The following ATF7 variants were observed in gnomAD, a reference collection of about 807,000 sequenced individuals.
ATF7 encodes the protein activating transcription factor 7.
In ATF7, 10 loss-of-function variants were observed where a neutral mutation model predicts 50.4. The ratio of observed to expected loss-of-function variants is 0.20; its 90% CI spans 0.12 to 0.34. The LOEUF (loss-of-function observed/expected upper bound fraction) is 0.34. Among genes scored for constraint, ATF7 ranks in the 10% least tolerant of loss-of-function variants. The pLI is 1.00. For missense variants in ATF7, 465 were observed against 613.9 expected (o/e 0.76, Z 2.56); for synonymous variants, 201 against 226.4 (o/e 0.89, Z 1.01).
At chr12:53,622,304 AAAT>A (rs139640578) in intron 1 of ATF7, among the ~76,000 whole-genome samples, 135,875 of 148,230 alleles carry the variant, frequency 0.92, 63,349 homozygotes, top group Non-Finnish European at 1. Context: ...TCCATCTCAA[AAAT>A]AATAATAATA....
chr12:53,594,878 A>T (rs1439168789), intron 2 of ATF7, among the ~76,000 whole-genome samples: 2 of 145,360 alleles, frequency 1.4e-5, no homozygotes, highest in African/African-American at 5.3e-5. Context: ...ACAGAGCGAG[A>T]CCCCATCTCA....
At chr12:53,528,688 G>C (rs565910557) in intron 9 of ATF7, among the ~76,000 whole-genome samples, 20 of 152,180 alleles carry the variant, frequency 1.3e-4, no homozygotes, top group African/African-American at 4.8e-4. Context: ...GCTTGAACCA[G>C]GGAGGCGGAG....
chr12:53,596,505 A>G (rs1943164714), intron 2 of ATF7, among the ~76,000 whole-genome samples: 1 of 152,234 alleles, frequency 6.6e-6, no homozygotes, highest in South Asian at 2.1e-4. Context: ...GTAACCAGAA[A>G]GACTACTTAA....
intron 1 of ATF7, among the ~76,000 whole-genome samples, chr12:53,602,086 TA>T (rs1342516838): frequency 6.6e-6 from 1 of 152,118 alleles, no homozygotes; most frequent in Non-Finnish European, 1.5e-5. Context: ...TCCTAAAAGA[TA>T]AACTGTATTT....
intron 1 of ATF7, among the ~76,000 whole-genome samples, chr12:53,607,167 A>C (rs1343323170): frequency 2.0e-5 from 3 of 151,722 alleles, no homozygotes; most frequent in Admixed American, 6.6e-5. Context: ...GAACTAGTTT[A>C]CAGTCCCACC....
Position 53,537,438 on chromosome 12 carries a change from A to G in ATF7, c.379T>C (p.Cys127Arg), listed in dbSNP as rs1459274128. ...SPPDSPASSPCSPPLKEKEVT... is the reference protein window; with the variant it reads ...SPPDSPASSPRSPPLKEKEVT... The stretch of plus-strand genomic sequence containing the variant: ...ACCTTCTCCTTCAGTGGTGGGGAAC[A>G]GGGACTAGAGGCAGGGCTATCAGGT... Residue 127 changes from cysteine to arginine, a missense_variant, in exon 5 of 12, where the codon TGT (cysteine) becomes CGT (arginine). Physicochemically the swap from Cys to Arg is radical, Grantham distance 180. Transcript: ENST00000420353. The G allele has an allele frequency of 6.2e-7, 1 of 1,613,824 alleles. No homozygotes were observed. The highest frequency in any genetic ancestry group is 1.7e-5 in the Admixed American group (1 of 59,998).
chr12:53,584,215 C>G (rs972472314), intron 2 of ATF7, among the ~76,000 whole-genome samples: 7 of 152,286 alleles, frequency 4.6e-5, no homozygotes, highest in Admixed American at 2.6e-4. Context: ...CTCCTGACCT[C>G]AGGTGATCCA....
intron 9 of ATF7, among the ~76,000 whole-genome samples, chr12:53,526,220 A>C (rs1231805897): frequency 2.6e-5 from 4 of 151,266 alleles, no homozygotes; most frequent in Admixed American, 2.6e-4. Flanking sequence ...AAAAAAAAAA[A>C]AAAAAAGTTA....
At chr12:53,552,398 G>T in intron 3 of ATF7, 143 bp downstream of exon 3, 1 of 610,482 alleles carries the variant, frequency 1.6e-6, no homozygotes, top group Non-Finnish European at 2.9e-6. Flanking sequence ...AGCTTTTAGT[G>T]TTCCTTTTTC....
At chr12:53,610,041 T>G (rs1217803440) in intron 1 of ATF7, among the ~76,000 whole-genome samples, 1 of 151,808 alleles carries the variant, frequency 6.6e-6, no homozygotes, top group African/African-American at 2.4e-5. Flanking sequence ...GGTTTCGAAC[T>G]CCTGACCTCA....
At chr12:53,580,587 C>T (rs1404430071) in intron 2 of ATF7, among the ~76,000 whole-genome samples, 1 of 149,062 alleles carries the variant, frequency 6.7e-6, no homozygotes, top group Non-Finnish European at 1.5e-5. Context: ...TGGTGTGAAC[C>T]CGGGAGGTGG....
chr12:53,598,026 T>C (rs1285095841), intron 2 of ATF7, among the ~76,000 whole-genome samples: 1 of 152,156 alleles, frequency 6.6e-6, no homozygotes, highest in African/African-American at 2.4e-5. Context: ...CAATGACAAA[T>C]GGATTACAAA....
intron 1 of ATF7, among the ~76,000 whole-genome samples, chr12:53,623,509 CCTTAA>C (rs1944486307): frequency 2.0e-5 from 3 of 152,118 alleles, no homozygotes; most frequent in Admixed American, 1.3e-4. Flanking sequence ...AACACCTGTA[CCTTAA>C]CTTTAGTACT....
chr12:53,581,724 A>G (rs761605026), intron 2 of ATF7, among the ~76,000 whole-genome samples: 27 of 152,072 alleles, frequency 1.8e-4, no homozygotes, highest in Non-Finnish European at 2.8e-4. Context: ...TAAACATACT[A>G]GAAAAGAAAA....
At chr12:53,519,024 A>C (rs1937920097) in intron 11 of ATF7, among the ~76,000 whole-genome samples, 1 of 151,496 alleles carries the variant, frequency 6.6e-6, no homozygotes, top group Non-Finnish European at 1.5e-5. Context: ...ACTGCACTCC[A>C]GCCTGGGCAA....
chr12:53,603,630 C>G (rs1345456628), intron 1 of ATF7, among the ~76,000 whole-genome samples: 1 of 151,708 alleles, frequency 6.6e-6, no homozygotes, highest in Admixed American at 6.6e-5. Context: ...TGCCTCTTGT[C>G]GTTTCCATTA....
rs182093565 is a variant in ATF7 at position 53,565,035 on chromosome 12, C to T, written c.49-12398G>A. On this transcript the variant is annotated intron_variant, in intron 2 of 11. Coordinates refer to ENST00000420353, the MANE Select transcript of ATF7 (RefSeq NM_006856.3). Reference sequence around the variant, plus strand: ...ATACAGACCAATGGTATAACTATTCCTCTAAGTACCTAAGTTTTAAGCCCT... The same window carrying T: ...ATACAGACCAATGGTATAACTATTCTTCTAAGTACCTAAGTTTTAAGCCCT... 3.9e-5 allele frequency among the ~76,000 whole-genome samples: 6 copies of T among 152,264 alleles called. No homozygotes were observed. In the East Asian group the frequency reaches 9.6e-4, roughly 24 times the overall value.
In ATF7 at chr12:53,565,287, G is replaced by A. The variant is rs545300253; in HGVS notation, c.49-12650C>T. Among the ~76,000 whole-genome samples, 13 of 151,064 alleles carry A rather than the reference G, an allele frequency of 8.6e-5. No individual in the cohort carries two copies. In the South Asian group the frequency reaches 2.7e-3, roughly 32 times the overall value. ...GTAAATATAATTTCTTACCAGTTTG[G>A]GTTAAAAAAGATTAGTTTTTTTTTT... On this transcript the variant is annotated intron_variant, in intron 2 of 11. Transcript: ENST00000420353.
At chr12:53,590,429 G>A (rs189919053) in intron 2 of ATF7, among the ~76,000 whole-genome samples, 2 of 152,286 alleles carry the variant, frequency 1.3e-5, no homozygotes, top group Non-Finnish European at 2.9e-5. Context: ...AGAAGGGAGA[G>A]AATGAGACTT....
Sources: gnomAD v4.1 joint callset for allele counts (sites outside exome capture counted in the v4.1 genomes callset) on GRCh38, gnomAD v4.1.1 for gene constraint, MANE v1.5 for transcripts, NCBI Gene and HGNC (gene_info 2026-07-23, HGNC 2026-07-21) for gene names.